L3MBTL3: variants seen among roughly 807,000 people sequenced by gnomAD.
The protein encoded by L3MBTL3 is lethal(3)malignant brain tumor-like protein 3.
Under a neutral mutation model 102.3 loss-of-function variants are expected in L3MBTL3, and 27 were observed. The observed-to-expected ratio is 0.26, with a 90% CI of 0.19 to 0.36. The LOEUF is 0.36. Ranked by LOEUF, L3MBTL3 falls within the 10% of genes least tolerant of loss-of-function variation. The pLI, the probability that L3MBTL3 is intolerant of heterozygous loss-of-function variation, is 1.00. For missense variants in L3MBTL3, 798 were observed against 955.3 expected, an observed-to-expected ratio of 0.84 and a Z score of 2.17; for synonymous variants, 340 against 320.9, an observed-to-expected ratio of 1.06 and a Z score of -0.64.
At chr6:130,137,270 C>A (rs1787786135) in intron 22 of L3MBTL3, among the ~76,000 whole-genome samples, 2 of 152,180 alleles carry the variant, frequency 1.3e-5, no homozygotes, top group Admixed American at 6.5e-5. Context: ...TTCCAAATCC[C>A]TCTCCTTTGT....
chr6:130,104,411 C>A lies in L3MBTL3; in HGVS notation c.1737-15C>A, dbSNP rs770984552. On this transcript the variant is annotated splice_polypyrimidine_tract_variant and intron_variant, in intron 18 of 22. Coordinates refer to ENST00000361794, the MANE Select transcript of L3MBTL3 (RefSeq NM_032438.4). ...TTCAATGTTCTTTTTTTTTTCTTTT[C>A]TTTTAATCTGTTAGTGCTGCCAACT... The A allele has an allele frequency of 6.9e-7, 1 of 1,457,272 alleles. No homozygotes were observed. The highest frequency in any genetic ancestry group is 1.6e-5 in the South Asian group (1 of 62,854). The allele number at this position is 1,457,272 out of a possible 1,614,324, so 90.3% of individuals were successfully genotyped here.
At chr6:130,132,414 T>C (rs2114417068) in intron 20 of L3MBTL3, among the ~76,000 whole-genome samples, 1 of 152,348 alleles carries the variant, frequency 6.6e-6, no homozygotes, top group South Asian at 2.1e-4. Context: ...CATGGGTGTG[T>C]TCACTTTGTG....
chr6:130,113,984 G>C (rs568058380), intron 19 of L3MBTL3, among the ~76,000 whole-genome samples: 1 of 152,176 alleles, frequency 6.6e-6, no homozygotes, highest in East Asian at 1.9e-4. Context: ...TGCCCCATGA[G>C]GTCTTCTGGG....
chr6:130,092,352 C>G (rs901620085), intron 16 of L3MBTL3, among the ~76,000 whole-genome samples: 2 of 151,986 alleles, frequency 1.3e-5, no homozygotes, highest in African/African-American at 2.4e-5. Flanking sequence ...TCTACCCTCC[C>G]CTCTCATCTT....
intron 19 of L3MBTL3, among the ~76,000 whole-genome samples, chr6:130,119,458 C>CA: frequency 6.6e-6 from 1 of 152,226 alleles, no homozygotes; most frequent in African/African-American, 2.4e-5. Flanking sequence ...ATAGCTGCAG[C>CA]ATTATTTTTA....
Position 130,120,938 on chromosome 6 carries a change from G to A in L3MBTL3, c.1946G>A (p.Arg649Lys), listed in dbSNP as rs1285614379. 4 of 1,611,620 alleles carry A rather than the reference G, an allele frequency of 2.5e-6. No individual in the cohort carries two copies. In the African/African-American group the frequency reaches 4.0e-5, roughly 16 times the overall value. ...DFEERTESEMRTSHEARGARE... is the reference protein window; with the variant it reads ...DFEERTESEMKTSHEARGARE... ...GAAGAGAGAACAGAAAGTGAAATGA[G>A]AACATCACATGAAGCCAGAGGTAGC... Residue 649 changes from arginine (R) to lysine (K), a missense_variant, in exon 20 of 23, where the codon AGA becomes AAA. By Grantham distance (26) the Arg-to-Lys change is conservative. Coordinates refer to ENST00000361794, the MANE Select transcript of L3MBTL3 (RefSeq NM_032438.4).
intron 12 of L3MBTL3, 123 bp downstream of exon 12, chr6:130,068,544 CTTA>C: frequency 1.8e-6 from 1 of 544,152 alleles, no homozygotes; most frequent in South Asian, 2.9e-5. Flanking sequence ...ATAGAGTACT[CTTA>C]TCTTAATTAA....
At chr6:130,137,367 G>T (rs1206365869) in intron 22 of L3MBTL3, among the ~76,000 whole-genome samples, 2 of 152,184 alleles carry the variant, frequency 1.3e-5, no homozygotes, top group South Asian at 4.1e-4. Flanking sequence ...AGTAAGCCTT[G>T]TAATACATTG....
chr6:130,096,512 T>C (rs539854211), intron 18 of L3MBTL3, among the ~76,000 whole-genome samples: 1 of 152,328 alleles, frequency 6.6e-6, no homozygotes, highest in Admixed American at 6.5e-5. Flanking sequence ...TTTGGTCTTC[T>C]GGAAGGAAGA....
At chr6:130,132,660 G>T (rs879767460) in intron 20 of L3MBTL3, among the ~76,000 whole-genome samples, 1 of 152,182 alleles carries the variant, frequency 6.6e-6, no homozygotes, top group Non-Finnish European at 1.5e-5. Flanking sequence ...TCTAAGTCAA[G>T]CGTCCAGAGG....
In L3MBTL3 at chr6:130,140,318, G is replaced by T. The variant is rs1353400977; in HGVS notation, c.*565G>T. 6.6e-6 allele frequency: 1 copy of T among 152,606 alleles called. No homozygotes were observed. The highest frequency in any genetic ancestry group is 2.4e-5 in the African/African-American group (1 of 41,420). The allele number at this position is 152,606 out of a possible 1,614,324, so 9.5% of individuals were successfully genotyped here. A position where few individuals can be genotyped will look rare whatever the true frequency, so the allele number is the denominator to read the frequency against. On this transcript the variant is annotated 3_prime_UTR_variant, in exon 23 of 23. Coordinates refer to ENST00000361794, the MANE Select transcript of L3MBTL3 (RefSeq NM_032438.4). ...TATTGCCTAACTGCTTGTCATAATT[G>T]TCAGGGCTGAATAGTTGTAAGAATG... is the stretch of plus-strand genomic sequence containing the variant.
chr6:130,085,800 A>G (rs763474036), intron 15 of L3MBTL3, among the ~76,000 whole-genome samples: 1 of 152,010 alleles, frequency 6.6e-6, no homozygotes, highest in African/African-American at 2.4e-5. Context: ...TCTGTTGCCC[A>G]GGCTGGAGTG....
intron 16 of L3MBTL3, 46 bp downstream of exon 16, chr6:130,086,296 T>C (rs1783685028): frequency 7.7e-7 from 1 of 1,304,706 alleles, no homozygotes; most frequent in African/African-American, 1.5e-5. Flanking sequence ...TGTTATAAGA[T>C]GTTTTAGATA....
At chr6:130,071,669 A>C (rs1331088919) in intron 13 of L3MBTL3, among the ~76,000 whole-genome samples, 1 of 152,120 alleles carries the variant, frequency 6.6e-6, no homozygotes, top group East Asian at 1.9e-4. Context: ...AGTAAAAGGC[A>C]TTTCTAAAGT....
Position 130,078,608 on chromosome 6 carries a change from A to T in L3MBTL3, c.1295A>T (p.His432Leu). ...HIHPVGWCKE[H>L]RRTLITPPGY... Reference sequence around the variant, plus strand: ...CATCCAGTTGGTTGGTGTAAGGAACATAGAAGAACCCTTATTACTCCACCA... The same window carrying T: ...CATCCAGTTGGTTGGTGTAAGGAACTTAGAAGAACCCTTATTACTCCACCA... The change falls in exon 14 of 23, where the codon CAT (histidine) becomes CTT (leucine). Residue 432 changes from histidine to leucine, a missense_variant. Physicochemically the swap from His to Leu is moderately conservative, Grantham distance 99. Transcript: ENST00000361794. The T allele has an allele frequency of 6.2e-7, 1 of 1,610,402 alleles. No homozygotes were observed. Among genetic ancestry groups the T allele is most frequent in the Non-Finnish European group, 8.5e-7 (1 of 1,176,970 alleles).
intron 20 of L3MBTL3, among the ~76,000 whole-genome samples, chr6:130,124,119 G>A (rs373510158): frequency 6.6e-5 from 10 of 152,262 alleles, no homozygotes; most frequent in Admixed American, 2.6e-4. Context: ...GTGGCGGTTC[G>A]GAGTTATCCC....
At chr6:130,092,694 T>C in intron 16 of L3MBTL3, 51 bp from the exon 17 acceptor site, 1 of 1,139,988 alleles carries the variant, frequency 8.8e-7, no homozygotes, top group Middle Eastern at 2.0e-4. Context: ...ACTTTGACTG[T>C]AGGAACTTTT....
chr6:130,082,778 C>G (rs1783445420), intron 14 of L3MBTL3, among the ~76,000 whole-genome samples: 1 of 152,110 alleles, frequency 6.6e-6, no homozygotes. Context: ...GCTGATATAG[C>G]TAGGAAATAC....
chr6:130,077,081 C>G (rs903932400), intron 13 of L3MBTL3, among the ~76,000 whole-genome samples: 6 of 151,910 alleles, frequency 3.9e-5, no homozygotes, highest in Non-Finnish European at 8.8e-5. Context: ...AAACTACTCT[C>G]TAAGTTCTAT....
Sources: allele counts gnomAD v4.1 joint callset (sites outside exome capture counted in the v4.1 genomes callset), GRCh38; gene constraint gnomAD v4.1.1; transcripts MANE v1.5; gene names NCBI Gene and HGNC (gene_info 2026-07-23, HGNC 2026-07-21).